RORA: variants seen among roughly 807,000 people sequenced by gnomAD.
RORA encodes RAR related orphan receptor A.
In RORA, 7 loss-of-function variants were observed where a neutral mutation model predicts 69.5. The ratio of observed to expected loss-of-function variants is 0.10; its 90% confidence interval spans 0.06 to 0.19. The LOEUF (loss-of-function observed/expected upper bound fraction) is 0.19, where lower values mean the gene tolerates loss of function less well. Ranked by LOEUF, RORA falls within the 10% of genes least tolerant of loss-of-function variation. The probability of loss-of-function intolerance (pLI) is 1.00; values close to 1 mark genes in which losing one functional copy is unlikely to be tolerated. For synonymous variants in RORA, 261 were observed against 240.8 expected (o/e 1.08, Z -0.78); for missense variants, 457 against 663.0 (o/e 0.69, Z 3.41).
chr15:60,588,981 A>G (rs2068419101), intron 2 of RORA, among the ~76,000 whole-genome samples: 1 of 152,202 alleles, frequency 6.6e-6, no homozygotes, highest in Non-Finnish European at 1.5e-5. Flanking sequence ...GGACAAATGG[A>G]TTCAGAAATC....
At chr15:61,149,912 G>C (rs1160425918) in intron 1 of RORA, among the ~76,000 whole-genome samples, 1 of 152,188 alleles carries the variant, frequency 6.6e-6, no homozygotes, top group Non-Finnish European at 1.5e-5. Flanking sequence ...ATCGGACTGG[G>C]AGTCAAGAAT....
rs138844966 is a variant in RORA at position 61,127,546 on chromosome 15, G to A, written c.166+101507C>T. Among the ~76,000 whole-genome samples the A allele has an allele frequency of 4.3e-3, 649 of 152,258 alleles. 5 individuals are homozygous for A. Among genetic ancestry groups the A allele is most frequent in the Middle Eastern group, 0.017 (5 of 294 alleles). ...GGCAGTCACATCCCCTCTACCCAAA[G>A]CTTTGTTTTCTTACAACATGATGCA... On this transcript the variant is annotated intron_variant, in intron 1 of 10. Transcript: ENST00000335670.
intron 8 of RORA, 150 bp downstream of exon 8, chr15:60,502,610 A>C (rs1417644031): frequency 1.1e-5 from 7 of 646,520 alleles, no homozygotes; most frequent in Non-Finnish European, 1.9e-5. Flanking sequence ...ACTTTTCTAC[A>C]GTGACTAACT....
intron 1 of RORA, among the ~76,000 whole-genome samples, chr15:61,200,286 C>G (rs2079883391): frequency 6.6e-6 from 1 of 152,176 alleles, no homozygotes; most frequent in South Asian, 2.1e-4. Context: ...CGTGCAGGCA[C>G]ACTGAGAAGC....
chr15:60,995,568 A>T (rs1894507570), intron 1 of RORA, among the ~76,000 whole-genome samples: 2 of 149,346 alleles, frequency 1.3e-5, no homozygotes. Context: ...AAAAGCCTAT[A>T]GCACAAGGTC....
At chr15:60,929,855 G>A (rs141238910) in intron 1 of RORA, among the ~76,000 whole-genome samples, 45 of 152,260 alleles carry the variant, frequency 3.0e-4, no homozygotes, top group Admixed American at 1.1e-3. Flanking sequence ...GGAAGTCTAG[G>A]GAGGAGCCCA....
intron 1 of RORA, among the ~76,000 whole-genome samples, chr15:60,949,376 C>T (rs1893009439): frequency 6.6e-6 from 1 of 152,172 alleles, no homozygotes. Flanking sequence ...CAATATGGAG[C>T]TAAAGTGGAA....
chr15:60,499,705 T>G (rs1015868039), intron 10 of RORA, among the ~76,000 whole-genome samples, 187 bp downstream of exon 10: 1 of 152,220 alleles, frequency 6.6e-6, no homozygotes, highest in Non-Finnish European at 1.5e-5. Flanking sequence ...GTAAGTATAA[T>G]TTAGACTGAA....
intron 2 of RORA, among the ~76,000 whole-genome samples, chr15:60,609,044 A>T (rs1431694071): frequency 1.3e-5 from 2 of 152,100 alleles, no homozygotes; most frequent in Non-Finnish European, 1.5e-5. Context: ...ATGGCCCTGT[A>T]TTTCATTAAT....
chr15:61,120,950 C>T (rs1011088585), intron 1 of RORA, among the ~76,000 whole-genome samples: 8 of 151,384 alleles, frequency 5.3e-5, no homozygotes, highest in South Asian at 2.1e-4. Context: ...CAGGTTCAAG[C>T]GATTCTCCTG....
At position 61,020,171 on chromosome 15, in the gene RORA, C is replaced by T. The variant is rs115105220; in HGVS notation, c.166+208882G>A. The stretch of plus-strand genomic sequence containing the variant: ...CTGTCCGAATTTTGCAAGTTTGAAA[C>T]GCTTCATATATGTCTTTCTGTTCCC... On this transcript the variant is annotated intron_variant, in intron 1 of 10. Coordinates refer to ENST00000335670, the MANE Select transcript of RORA (RefSeq NM_134261.3). Among the ~76,000 whole-genome samples the T allele has an allele frequency of 4.4e-3, 673 of 152,282 alleles. 3 individuals carry two copies. Among genetic ancestry groups the T allele is most frequent in the African/African-American group, 0.015 (621 of 41,562 alleles).
intron 1 of RORA, among the ~76,000 whole-genome samples, chr15:60,884,856 G>A (rs1012799545): frequency 6.6e-6 from 1 of 152,194 alleles, no homozygotes; most frequent in Non-Finnish European, 1.5e-5. Flanking sequence ...AGTCATGAGT[G>A]TCTCATTGTT....
At chr15:61,074,914 C>T (rs1026768847) in intron 1 of RORA, among the ~76,000 whole-genome samples, 3 of 151,834 alleles carry the variant, frequency 2.0e-5, no homozygotes, top group Non-Finnish European at 2.9e-5. Flanking sequence ...TGATGAAATC[C>T]CGTCTCTACT....
intron 2 of RORA, among the ~76,000 whole-genome samples, chr15:60,671,395 A>G (rs978556972): frequency 6.6e-6 from 1 of 151,934 alleles, no homozygotes; most frequent in Non-Finnish European, 1.5e-5. Flanking sequence ...TTTATTATGG[A>G]ATCAGTTGTG....
chr15:61,156,542 C>T (rs1254623101), intron 1 of RORA, among the ~76,000 whole-genome samples: 1 of 152,042 alleles, frequency 6.6e-6, no homozygotes, highest in Non-Finnish European at 1.5e-5. Flanking sequence ...AGAGAACAGC[C>T]CAGCAGGAAT....
At chr15:60,778,578 C>A (rs971618857) in intron 1 of RORA, among the ~76,000 whole-genome samples, 5 of 152,058 alleles carry the variant, frequency 3.3e-5, no homozygotes, top group African/African-American at 1.2e-4. Context: ...ACAAATTTTT[C>A]TGGCTGTCAG....
At chr15:60,517,558 G>A (rs1866008) in intron 3 of RORA, among the ~76,000 whole-genome samples, 2,766 of 152,158 alleles carry the variant, frequency 0.018, 91 homozygotes, top group African/African-American at 0.058. Context: ...GCTTACTAGA[G>A]AGAATTCAAG....
intron 1 of RORA, among the ~76,000 whole-genome samples, chr15:61,142,397 A>G (rs2079308418): frequency 6.6e-6 from 1 of 152,216 alleles, no homozygotes; most frequent in Non-Finnish European, 1.5e-5. Context: ...TTCCTCTAAA[A>G]AGACATATTT....
intron 1 of RORA, among the ~76,000 whole-genome samples, chr15:61,154,546 C>T (rs1318217924): frequency 2.0e-5 from 3 of 152,164 alleles, no homozygotes; most frequent in African/African-American, 4.8e-5. Flanking sequence ...CACAGATCTA[C>T]GTGACCTGTC....
Sources: gnomAD v4.1 joint callset for allele counts (sites outside exome capture counted in the v4.1 genomes callset) on GRCh38, gnomAD v4.1.1 for gene constraint, MANE v1.5 for transcripts, NCBI Gene and HGNC (gene_info 2026-07-23, HGNC 2026-07-21) for gene names.